THSD7A: variants seen among roughly 807,000 people sequenced by gnomAD.
THSD7A encodes the protein thrombospondin type-1 domain-containing protein 7A.
In THSD7A, 96 loss-of-function variants were observed where a neutral mutation model predicts 231.3. The observed-to-expected ratio is 0.41, with a 90% CI of 0.35 to 0.49. THSD7A has a LOEUF of 0.49. THSD7A is among the 20% of genes least tolerant of loss of function. The pLI is 0.05. For missense variants in THSD7A, 2,290 were observed against 2,070.2 expected (o/e 1.11, Z -2.06); for synonymous variants, 940 against 743.3 (o/e 1.26, Z -4.30).
chr7:11,614,049 T>C (rs997588427), intron 2 of THSD7A, among the ~76,000 whole-genome samples: 1 of 152,178 alleles, frequency 6.6e-6, no homozygotes, highest in African/African-American at 2.4e-5. Flanking sequence ...GTCAAAAGAA[T>C]TTTCAGTTAA....
At chr7:11,389,637 G>A (rs1782904243) in intron 23 of THSD7A, among the ~76,000 whole-genome samples, 1 of 151,716 alleles carries the variant, frequency 6.6e-6, no homozygotes, top group South Asian at 2.1e-4. Context: ...GGTTAATATT[G>A]TTATGTATGA....
At chr7:11,660,960 G>A (rs1414237851) in intron 1 of THSD7A, among the ~76,000 whole-genome samples, 1 of 151,364 alleles carries the variant, frequency 6.6e-6, no homozygotes, top group East Asian at 1.9e-4. Context: ...AAAATGAAGT[G>A]CAGGATAGTG....
Position 11,587,152 on chromosome 7 carries a change from C to A in THSD7A, c.1453+3308G>T, listed in dbSNP as rs1779942825. ...TTTGAACTCTAAAAAAATCAATTTA[C>A]TTCCATGCATCCAATGATCAGCAAG... On this transcript the variant is annotated intron_variant, in intron 4 of 27. Coordinates refer to ENST00000423059, the MANE Select transcript of THSD7A (RefSeq NM_015204.3). Among the ~76,000 whole-genome samples the A allele has an allele frequency of 2.6e-5, 4 of 152,256 alleles. No individual in the cohort carries two copies. The South Asian group carries it at 8.3e-4, about 32-fold the overall frequency.
Position 11,429,041 on chromosome 7 carries a change from G to A in THSD7A, c.3149C>T (p.Ser1050Phe). 1 of 1,613,146 alleles carries A rather than the reference G, an allele frequency of 6.2e-7. No homozygotes were observed. The highest frequency in any genetic ancestry group is 1.3e-5 in the African/African-American group (1 of 74,972). Residue 1050 changes from serine (S) to phenylalanine (F), a missense_variant, in exon 14 of 28, where the codon TCC (serine) becomes TTC (phenylalanine). By Grantham distance (155) the Ser-to-Phe change is radical. Coordinates refer to ENST00000423059, the MANE Select transcript of THSD7A (RefSeq NM_015204.3). Reference sequence around the variant, plus strand: ...ACGAACCTTCACACCACTCCCACAGGACTTGCTGCAGCGCGACCAGTTGGA... The same window carrying A: ...ACGAACCTTCACACCACTCCCACAGAACTTGCTGCAGCGCGACCAGTTGGA... ...EWSNWSRCSK[S>F]CGSGVKVRSK...
At chr7:11,611,645 A>C (rs1780925701) in intron 2 of THSD7A, among the ~76,000 whole-genome samples, 1 of 151,742 alleles carries the variant, frequency 6.6e-6, no homozygotes, top group Non-Finnish European at 1.5e-5. Flanking sequence ...TCATATTTTA[A>C]ATTTATAAAT....
At chr7:11,442,472 C>T (rs768128925) in intron 13 of THSD7A, among the ~76,000 whole-genome samples, 4 of 151,978 alleles carry the variant, frequency 2.6e-5, no homozygotes, top group South Asian at 2.1e-4. Context: ...ACTGCACACA[C>T]GGGGATCAAT....
At chr7:11,714,297 C>A (rs1040801084) in intron 1 of THSD7A, among the ~76,000 whole-genome samples, 1 of 151,112 alleles carries the variant, frequency 6.6e-6, no homozygotes. Flanking sequence ...CTCACATTAA[C>A]CCTATGACAT....
chr7:11,667,548 G>C (rs1166685357), intron 1 of THSD7A, among the ~76,000 whole-genome samples: 1 of 152,096 alleles, frequency 6.6e-6, no homozygotes. Flanking sequence ...AGTAGGGCAA[G>C]GTGGAAAGAA....
intron 4 of THSD7A, among the ~76,000 whole-genome samples, chr7:11,545,579 G>A (rs1459950248): frequency 6.6e-6 from 1 of 152,112 alleles, no homozygotes; most frequent in Non-Finnish European, 1.5e-5. Context: ...AGGAAGCTGG[G>A]AACTCTGCAC....
chr7:11,484,121 A>ACC, intron 6 of THSD7A, among the ~76,000 whole-genome samples: 1 of 150,994 alleles, frequency 6.6e-6, no homozygotes, highest in African/African-American at 2.4e-5. Context: ...TCCTTCTACC[A>ACC]CCCTTAATCC....
At chr7:11,481,699 A>G (rs994923401) in intron 7 of THSD7A, 89 bp downstream of exon 7, 3 of 1,335,886 alleles carry the variant, frequency 2.2e-6, no homozygotes, top group Middle Eastern at 2.3e-4. Context: ...GTTGACTTTC[A>G]TAGAATATCA....
chr7:11,379,377 T>G (rs544732989), intron 25 of THSD7A, 97 bp from the exon 26 acceptor site: 6 of 1,249,322 alleles, frequency 4.8e-6, no homozygotes, highest in African/African-American at 1.5e-5. Flanking sequence ...AAGGTTTGTT[T>G]TGGGAATTAC....
intron 23 of THSD7A, among the ~76,000 whole-genome samples, chr7:11,388,259 A>C (rs2115320412): frequency 6.6e-6 from 1 of 152,152 alleles, no homozygotes; most frequent in Middle Eastern, 3.4e-3. Flanking sequence ...GAATCGTTTC[A>C]GAAGGAATGG....
chr7:11,571,348 G>A (rs765253293), intron 4 of THSD7A, among the ~76,000 whole-genome samples: 4 of 152,178 alleles, frequency 2.6e-5, no homozygotes, highest in Middle Eastern at 3.2e-3. Context: ...CAAGTTCTAA[G>A]CTGTAATTGT....
chr7:11,388,621 T>C (rs894579867), intron 23 of THSD7A, among the ~76,000 whole-genome samples: 1 of 152,358 alleles, frequency 6.6e-6, no homozygotes, highest in East Asian at 1.9e-4. Context: ...ATCTATTTTG[T>C]TGATCTTTTC....
intron 17 of THSD7A, among the ~76,000 whole-genome samples, chr7:11,414,939 T>A (rs1405475391): frequency 6.6e-6 from 1 of 152,222 alleles, no homozygotes; most frequent in Non-Finnish European, 1.5e-5. Flanking sequence ...TTAGTTGGTA[T>A]CTGTTTAATG....
intron 4 of THSD7A, among the ~76,000 whole-genome samples, chr7:11,573,085 C>T (rs1790717905): frequency 6.6e-6 from 1 of 152,132 alleles, no homozygotes; most frequent in South Asian, 2.1e-4. Context: ...TGCACTGTGA[C>T]AGTGTGGACC....
intron 1 of THSD7A, among the ~76,000 whole-genome samples, chr7:11,696,634 T>C (rs1239554679): frequency 1.3e-5 from 2 of 150,970 alleles, no homozygotes; most frequent in African/African-American, 2.4e-5. Flanking sequence ...TGAACTCCCA[T>C]TCACAGTTGC....
At position 11,543,164 on chromosome 7, in the gene THSD7A, T is replaced by C. The variant is rs374120126; in HGVS notation, c.1454-47A>G. ...TATTAAAAAATGAACAAAAGGAACA[T>C]ATATGGCCAACAATATGATTTTTCT... On this transcript the variant is annotated intron_variant, in intron 4 of 27. Transcript: ENST00000423059. 1.9e-5 allele frequency: 29 copies of C among 1,532,420 alleles called. No individual in the cohort carries two copies. In the African/African-American group the frequency reaches 3.7e-4, roughly 20 times the overall value. 94.9% of individuals were successfully genotyped at this position (1,532,420 alleles called of 1,614,324 possible). A position where few individuals can be genotyped will look rare whatever the true frequency, so the allele number is the denominator to read the frequency against.
Sources: gnomAD v4.1 joint callset for allele counts (sites outside exome capture counted in the v4.1 genomes callset) on GRCh38, gnomAD v4.1.1 for gene constraint, MANE v1.5 for transcripts, NCBI Gene and HGNC (gene_info 2026-07-23, HGNC 2026-07-21) for gene names.